Variants in ARSG observed in about 807,000 individuals in gnomAD.
The protein encoded by ARSG is arylsulfatase G.
Under a neutral mutation model 50.5 loss-of-function variants are expected in ARSG, and 37 were observed. That is an observed-to-expected ratio of 0.73 (90% CI 0.56 to 0.96). The LOEUF is 0.96. Ranked by LOEUF, ARSG falls within the 50% of genes least tolerant of loss-of-function variation. The probability of loss-of-function intolerance (pLI) is 0.00; values close to 1 mark genes in which losing one functional copy is unlikely to be tolerated. For missense variants in ARSG, 629 were observed against 675.3 expected (o/e 0.93, Z 0.76); for synonymous variants, 225 against 254.6 (o/e 0.88, Z 1.11).
chr17:68,421,669 C>T, downstream of ARSG: 3 of 1,521,930 alleles, frequency 2.0e-6, no homozygotes, highest in Non-Finnish European at 2.7e-6. Context: ...GGATTCCTGC[C>T]CCCCTTTCTG....
intron 2 of ARSG, among the ~76,000 whole-genome samples, chr17:68,314,622 C>T (rs572807954): frequency 6.6e-6 from 1 of 151,096 alleles, no homozygotes; most frequent in Non-Finnish European, 1.5e-5. Flanking sequence ...CACACGGATC[C>T]CTTAATGCCA....
At chr17:68,412,199 C>A (rs2082041399) in intron 11 of ARSG, among the ~76,000 whole-genome samples, 2 of 152,280 alleles carry the variant, frequency 1.3e-5, no homozygotes, top group South Asian at 4.2e-4. Context: ...TTAGTTGATG[C>A]AGTTTCTTCC....
At chr17:68,348,809 A>G (rs1252830786) in intron 4 of ARSG, among the ~76,000 whole-genome samples, 2 of 152,262 alleles carry the variant, frequency 1.3e-5, no homozygotes, top group African/African-American at 2.4e-5. Context: ...GGGTTATGCC[A>G]AGCACACTTA....
chr17:68,427,151 T>C, downstream of ARSG: 1 of 1,614,002 alleles, frequency 6.2e-7, no homozygotes, highest in Non-Finnish European at 8.5e-7. Context: ...CCGTGGAGGC[T>C]GAAGATGCAC....
chr17:68,274,939 C>T (rs557050742), intron 1 of ARSG, among the ~76,000 whole-genome samples: 6 of 152,146 alleles, frequency 3.9e-5, no homozygotes, highest in Non-Finnish European at 5.9e-5. Flanking sequence ...TGCCACCATG[C>T]CCGGCTGATT....
intron 2 of ARSG, among the ~76,000 whole-genome samples, chr17:68,335,370 G>T (rs1206582446): frequency 6.6e-6 from 1 of 151,944 alleles, no homozygotes; most frequent in South Asian, 2.1e-4. Context: ...TGGCTAACAC[G>T]GAGAAACCTC....
At chr17:68,397,915 C>T (rs1005558920) in intron 10 of ARSG, among the ~76,000 whole-genome samples, 1 of 152,098 alleles carries the variant, frequency 6.6e-6, no homozygotes, top group Non-Finnish European at 1.5e-5. Flanking sequence ...TACAGGCGTT[C>T]ACCACCACGC....
At chr17:68,297,202 T>C (rs1555758642) in intron 1 of ARSG, among the ~76,000 whole-genome samples, 1 of 152,252 alleles carries the variant, frequency 6.6e-6, no homozygotes, top group African/African-American at 2.4e-5. Context: ...CCATTTTCAA[T>C]TAACATCAAC....
intron 1 of ARSG, among the ~76,000 whole-genome samples, chr17:68,282,283 A>G (rs1218882827): frequency 2.6e-5 from 4 of 151,886 alleles, no homozygotes; most frequent in Admixed American, 2.6e-4. Flanking sequence ...GTTCTCACTC[A>G]TAGGTGGGAA....
chr17:68,427,332 G>A, downstream of ARSG: 2 of 1,069,106 alleles, frequency 1.9e-6, no homozygotes, highest in Non-Finnish European at 2.9e-6. Context: ...GGAAAAGCAT[G>A]AAGAAGCCTG....
At chr17:68,398,059 G>T (rs1041237911) in intron 10 of ARSG, among the ~76,000 whole-genome samples, 3 of 152,188 alleles carry the variant, frequency 2.0e-5, no homozygotes, top group African/African-American at 7.2e-5. Context: ...GAGCCACTGT[G>T]CCTGGGCTGC....
intron 5 of ARSG, among the ~76,000 whole-genome samples, chr17:68,352,508 CTTTCTTTTTT>C (rs944008236): frequency 5.3e-5 from 7 of 132,266 alleles, no homozygotes; most frequent in Admixed American, 1.6e-4. Context: ...TTTCTTTTTT[CTTTCTTTTTT>C]TTTTTTTTTG....
the ARSG span, among the ~76,000 whole-genome samples, chr17:68,437,355 G>T: frequency 7.9e-5 from 12 of 152,116 alleles, no homozygotes; most frequent in Non-Finnish European, 1.8e-4. Context: ...AGGAGTTCGA[G>T]ATCGGGCTGG....
At chr17:68,277,515 C>T (rs190805540) in intron 1 of ARSG, among the ~76,000 whole-genome samples, 239 of 152,206 alleles carry the variant, frequency 1.6e-3, no homozygotes, top group African/African-American at 4.5e-3. Flanking sequence ...CTGCAACCTC[C>T]GCCTCCTGGG....
At chr17:68,360,724 A>T (rs906315162) in intron 6 of ARSG, among the ~76,000 whole-genome samples, 2 of 152,152 alleles carry the variant, frequency 1.3e-5, no homozygotes, top group Non-Finnish European at 2.9e-5. Context: ...GAGGTCTGGG[A>T]CCGTGCATTG....
intron 11 of ARSG, among the ~76,000 whole-genome samples, chr17:68,405,852 A>G (rs1194444930): frequency 6.6e-6 from 1 of 152,112 alleles, no homozygotes; most frequent in Non-Finnish European, 1.5e-5. Flanking sequence ...TTTGGTTACT[A>G]TTTGCATGGA....
At chr17:68,356,633 A>T (rs754626829) in intron 5 of ARSG, 34 bp from the exon 6 acceptor site, 2 of 1,613,200 alleles carry the variant, frequency 1.2e-6, no homozygotes, top group Non-Finnish European at 1.7e-6. Context: ...GTACGTAGGA[A>T]ATGAATACTC....
chr17:68,307,445 A>C lies in ARSG; in HGVS notation c.-49A>C. ...AAAGGAAGCTCTCAGAAAAATCTCT[A>C]GTGGTGGCTGCCGTCGCTCCAGACA... is the stretch of plus-strand genomic sequence containing the variant. On this transcript the variant is annotated 5_prime_UTR_variant, in exon 2 of 12. Coordinates refer to ENST00000621439, the MANE Select transcript of ARSG (RefSeq NM_001267727.2). 6.9e-7 allele frequency: 1 copy of C among 1,450,476 alleles called. No individual in the cohort carries two copies. Among genetic ancestry groups the C allele is most frequent in the Non-Finnish European group, 9.6e-7 (1 of 1,041,174 alleles). The allele number at this position is 1,450,476 out of a possible 1,614,324, so 89.9% of individuals were successfully genotyped here. A position where few individuals can be genotyped will look rare whatever the true frequency, so the allele number is the denominator to read the frequency against.
chr17:68,385,700 G>A (rs2080688414), intron 9 of ARSG, among the ~76,000 whole-genome samples: 1 of 152,146 alleles, frequency 6.6e-6, no homozygotes, highest in Non-Finnish European at 1.5e-5. Flanking sequence ...TGTGTCTGCT[G>A]GAGAGAGTGC....
Sources: gnomAD v4.1 joint callset for allele counts (sites outside exome capture counted in the v4.1 genomes callset) on GRCh38, gnomAD v4.1.1 for gene constraint, MANE v1.5 for transcripts, NCBI Gene and HGNC (gene_info 2026-07-23, HGNC 2026-07-21) for gene names.